The following PDE7A variants were observed in gnomAD, a reference collection of about 807,000 sequenced individuals.
The protein encoded by PDE7A is high affinity 3',5'-cyclic-AMP phosphodiesterase 7A.
Under a neutral mutation model 64.3 loss-of-function variants are expected in PDE7A, and 39 were observed. The observed-to-expected ratio is 0.61, with a 90% CI of 0.47 to 0.79. The LOEUF is 0.79. Ranked by LOEUF, PDE7A falls within the 30% of genes least tolerant of loss-of-function variation. The probability of loss-of-function intolerance (pLI) is 0.00; values close to 1 mark genes in which losing one functional copy is unlikely to be tolerated. For synonymous variants in PDE7A, 203 were observed against 206.8 expected, an observed-to-expected ratio of 0.98 and a Z score of 0.16; for missense variants, 470 against 582.8, an observed-to-expected ratio of 0.81 and a Z score of 1.99.
chr8:65,757,092 T>A (rs1293183610), intron 3 of PDE7A, among the ~76,000 whole-genome samples: 1 of 152,098 alleles, frequency 6.6e-6, no homozygotes, highest in Admixed American at 6.5e-5. Flanking sequence ...TATGGAAGCT[T>A]CATAATGTCA....
At chr8:65,768,127 T>C (rs1213517833) in intron 3 of PDE7A, among the ~76,000 whole-genome samples, 9 of 152,206 alleles carry the variant, frequency 5.9e-5, no homozygotes, top group African/African-American at 1.9e-4. Flanking sequence ...CACAGAAGTC[T>C]TCTGTGTTGA....
intron 1 of PDE7A, among the ~76,000 whole-genome samples, chr8:65,799,995 G>A (rs1356144905): frequency 6.6e-6 from 1 of 152,190 alleles, no homozygotes; most frequent in East Asian, 1.9e-4. Context: ...GGAAATTCCA[G>A]GCATCTAGCT....
chr8:65,717,335 G>A lies in PDE7A; in HGVS notation c.*1955C>T, dbSNP rs1297940022. ...ACAACTGATATCAATCAAGTAGAGTGGAGTGGCCTTTTCTTATCACTTTAA... is the reference window on the plus strand; with the variant it reads ...ACAACTGATATCAATCAAGTAGAGTAGAGTGGCCTTTTCTTATCACTTTAA... On this transcript the variant is annotated 3_prime_UTR_variant, in exon 13 of 13. Transcript: ENST00000401827. Among the ~76,000 whole-genome samples, 2 of 152,200 alleles carry A rather than the reference G, an allele frequency of 1.3e-5. No individual in the cohort carries two copies. The highest frequency in any genetic ancestry group is 2.9e-5 in the Non-Finnish European group (2 of 68,036).
chr8:65,728,963 CA>C (rs1162950301), intron 7 of PDE7A, among the ~76,000 whole-genome samples: 5 of 151,276 alleles, frequency 3.3e-5, no homozygotes, highest in Non-Finnish European at 5.9e-5. Context: ...ATCACACATG[CA>C]AAAAAATATT....
chr8:65,773,972 TG>T (rs1809185315), intron 3 of PDE7A, among the ~76,000 whole-genome samples: 1 of 152,228 alleles, frequency 6.6e-6, no homozygotes, highest in South Asian at 2.1e-4. Context: ...ACTCTTTTAC[TG>T]ATTTCCTTAC....
intron 2 of PDE7A, among the ~76,000 whole-genome samples, chr8:65,780,022 C>T (rs1809369056): frequency 6.6e-6 from 1 of 151,602 alleles, no homozygotes; most frequent in African/African-American, 2.4e-5. Flanking sequence ...TTAAATCTAC[C>T]CCTATAATAA....
At position 65,744,834 on chromosome 8, in the gene PDE7A, T is replaced by C. The variant is rs116954523; in HGVS notation, c.499+573A>G. Among the ~76,000 whole-genome samples, 82 of 152,374 alleles carry C rather than the reference T, an allele frequency of 5.4e-4. 1 individual carries two copies. The East Asian group carries it at 0.014, about 27-fold the overall frequency. ...ATGATACTAATGATGATTTGATTAC[T>C]TTTAAGGACAATAATCAAAACATAA... On this transcript the variant is annotated intron_variant, in intron 5 of 12. Coordinates refer to ENST00000401827, the MANE Select transcript of PDE7A (RefSeq NM_001242318.3).
In PDE7A at chr8:65,770,348, C is replaced by T. The variant is rs528011397; in HGVS notation, c.283+9372G>A. Among the ~76,000 whole-genome samples the T allele has an allele frequency of 1.7e-3, 263 of 152,290 alleles. 1 individual carries two copies. The highest frequency in any genetic ancestry group is 6.8e-3 in the Middle Eastern group (2 of 294). ...GGCTGGGGAGGCCTCATAATCAGGG[C>T]AGAAGGCAAAAGCCACGTCTTACCT... On this transcript the variant is annotated intron_variant, in intron 3 of 12. Transcript: ENST00000401827.
At position 65,828,387 on chromosome 8, in the gene PDE7A, T is replaced by C. The variant is rs527813078; in HGVS notation, c.138+12984A>G. On this transcript the variant is annotated intron_variant, in intron 1 of 12. Coordinates refer to ENST00000401827, the MANE Select transcript of PDE7A (RefSeq NM_001242318.3). The stretch of plus-strand genomic sequence containing the variant: ...AACTAGTTTTTTTCCCCCAAAGTTG[T>C]TATGTGTATCTTTCTATGACAAATA... Among the ~76,000 whole-genome samples, 28 of 152,284 alleles carry C rather than the reference T, an allele frequency of 1.8e-4. No homozygotes were observed. The South Asian group carries it at 4.3e-3, about 24-fold the overall frequency.
chr8:65,814,436 G>A (rs960622587), intron 1 of PDE7A, among the ~76,000 whole-genome samples: 8 of 144,536 alleles, frequency 5.5e-5, no homozygotes, highest in African/African-American at 1.3e-4. Flanking sequence ...GCGTGAACCC[G>A]GGAGGCGGAG....
chr8:65,783,011 G>A (rs889789991), intron 1 of PDE7A, among the ~76,000 whole-genome samples, 168 bp from the exon 2 acceptor site: 5 of 152,118 alleles, frequency 3.3e-5, no homozygotes, highest in African/African-American at 4.8e-5. Flanking sequence ...TCTGGGGTAC[G>A]GGGACGACAA....
At chr8:65,765,519 A>T (rs1563496546) in intron 3 of PDE7A, 1 of 147,008 alleles carries the variant, frequency 6.8e-6, no homozygotes, top group Admixed American at 6.8e-5. Flanking sequence ...AAAAAAAAAA[A>T]AGATAATGGG....
intron 1 of PDE7A, among the ~76,000 whole-genome samples, chr8:65,813,898 T>G (rs1040521403): frequency 3.9e-5 from 6 of 152,190 alleles, no homozygotes; most frequent in Non-Finnish European, 8.8e-5. Flanking sequence ...TAGCTTTGAG[T>G]TCTTTAATAT....
chr8:65,729,080 A>C (rs1377003525), intron 7 of PDE7A, among the ~76,000 whole-genome samples: 2 of 152,194 alleles, frequency 1.3e-5, no homozygotes, highest in Non-Finnish European at 2.9e-5. Context: ...TAACTTTTTA[A>C]GGTGGATTAA....
In PDE7A at chr8:65,782,829, A is replaced by G; in HGVS notation, c.153T>C (p.Ile51=). The G allele has an allele frequency of 6.3e-7, 1 of 1,589,138 alleles. No homozygotes were observed. Among genetic ancestry groups the G allele is most frequent in the South Asian group, 1.1e-5 (1 of 89,884 alleles). ...CAGTCTGATCAGAACTGTCATAGGAAATAGCTCCACGCCTCTAGAAAAAAA... is the reference window on the plus strand; with the variant it reads ...CAGTCTGATCAGAACTGTCATAGGAGATAGCTCCACGCCTCTAGAAAAAAA... The part of the protein sequence containing the change: ...PRQLSQRRGA[I]SYDSSDQTAL... Residue 51 remains isoleucine, a synonymous_variant, in exon 2 of 13, where the codon ATT becomes ATC. Coordinates refer to ENST00000401827, the MANE Select transcript of PDE7A (RefSeq NM_001242318.3).
chr8:65,729,954 A>G (rs1374231355), intron 7 of PDE7A, among the ~76,000 whole-genome samples: 1 of 151,910 alleles, frequency 6.6e-6, no homozygotes, highest in Non-Finnish European at 1.5e-5. Flanking sequence ...AGGCAAAAGG[A>G]CAAGGCGGTC....
At chr8:65,807,625 C>G (rs976947756) in intron 1 of PDE7A, among the ~76,000 whole-genome samples, 1 of 152,186 alleles carries the variant, frequency 6.6e-6, no homozygotes, top group South Asian at 2.1e-4. Flanking sequence ...AGGGAAAACA[C>G]CCAGTCTTTA....
chr8:65,756,915 G>C (rs1396520652), intron 3 of PDE7A, among the ~76,000 whole-genome samples: 1 of 151,928 alleles, frequency 6.6e-6, no homozygotes, highest in Non-Finnish European at 1.5e-5. Flanking sequence ...AAATTTTGCT[G>C]GCTTATGATA....
At chr8:65,751,680 C>CG (rs1183256146) in intron 3 of PDE7A, among the ~76,000 whole-genome samples, 1 of 152,102 alleles carries the variant, frequency 6.6e-6, no homozygotes, top group Non-Finnish European at 1.5e-5. Flanking sequence ...TTAGTAGAGA[C>CG]GGGGTTTCTC....
Sources: gnomAD v4.1 joint callset for allele counts (sites outside exome capture counted in the v4.1 genomes callset) on GRCh38, gnomAD v4.1.1 for gene constraint, MANE v1.5 for transcripts, NCBI Gene and HGNC (gene_info 2026-07-23, HGNC 2026-07-21) for gene names.